CLVS2: variants seen among roughly 807,000 people sequenced by gnomAD.
CLVS2 encodes the protein clavesin-2.
In CLVS2, 19 loss-of-function variants were observed where a neutral mutation model predicts 29.0. The observed-to-expected ratio is 0.66, with a 90% CI of 0.46 to 0.96. The LOEUF is 0.96. CLVS2 is among the 40% of genes least tolerant of loss of function. The pLI is 0.00. For missense variants in CLVS2, 294 were observed against 404.1 expected (o/e 0.73, Z 2.34); for synonymous variants, 161 against 151.3 (o/e 1.06, Z -0.47).
chr6:123,045,766 G>A (rs374320179), intron 3 of CLVS2, among the ~76,000 whole-genome samples: 16 of 152,186 alleles, frequency 1.1e-4, no homozygotes, highest in Non-Finnish European at 1.9e-4. Context: ...CAGACAAAGA[G>A]ACAGTTTCAG....
rs1774905890 is a variant in CLVS2 at position 123,020,596 on chromosome 6, A to G, written c.564+9437A>G. On this transcript the variant is annotated intron_variant, in intron 3 of 5. Coordinates refer to ENST00000275162, the MANE Select transcript of CLVS2 (RefSeq NM_001010852.4). Reference sequence around the variant, plus strand: ...TTGTATGTGTGGACTTAGAGAATAGAATCACTGTTAAGCTTCAGCATGTCA... The same window carrying G: ...TTGTATGTGTGGACTTAGAGAATAGGATCACTGTTAAGCTTCAGCATGTCA... 2.0e-5 allele frequency among the ~76,000 whole-genome samples: 3 copies of G among 152,068 alleles called. No homozygotes were observed. The South Asian group carries it at 6.2e-4, about 31-fold the overall frequency.
chr6:122,996,877 C>T (rs943836669), intron 1 of CLVS2, 131 bp downstream of exon 1: 2 of 152,792 alleles, frequency 1.3e-5, no homozygotes, highest in Non-Finnish European at 2.9e-5. Context: ...AGAGATATCC[C>T]CGGTCCCCTC....
Position 123,068,053 on chromosome 6 carries a change from T to A in CLVS2, c.*4292T>A, listed in dbSNP as rs1271457993. The A allele has an allele frequency of 6.6e-6, 1 of 151,620 alleles. No homozygotes were observed. The highest frequency in any genetic ancestry group is 1.5e-5 in the Non-Finnish European group (1 of 67,668). 9.4% of individuals were successfully genotyped at this position (151,620 alleles called of 1,614,324 possible). On this transcript the variant is annotated 3_prime_UTR_variant, in exon 6 of 6. Transcript: ENST00000275162. Reference sequence around the variant, plus strand: ...ATTAAAGATTTTATTTTATAAATATTTGGAGGTTAACATAGGACATGAAAA... The same window carrying A: ...ATTAAAGATTTTATTTTATAAATATATGGAGGTTAACATAGGACATGAAAA...
At chr6:123,044,274 T>TTACTTTG (rs1263396506) in intron 3 of CLVS2, among the ~76,000 whole-genome samples, 2 of 152,238 alleles carry the variant, frequency 1.3e-5, no homozygotes, top group Non-Finnish European at 2.9e-5. Flanking sequence ...ATTTTTATTA[T>TTACTTTG]TACTTTGTAC....
intron 4 of CLVS2, among the ~76,000 whole-genome samples, chr6:123,054,684 T>A (rs1772667755): frequency 6.6e-6 from 1 of 152,168 alleles, no homozygotes; most frequent in Non-Finnish European, 1.5e-5. Context: ...TTGAAATAAA[T>A]ATTATATAAA....
intron 2 of CLVS2, among the ~76,000 whole-genome samples, chr6:122,999,490 A>C (rs546251304): frequency 2.0e-4 from 31 of 152,296 alleles, no homozygotes; most frequent in African/African-American, 7.0e-4. Flanking sequence ...GAGTTTTGTT[A>C]CTTACTTTGG....
chr6:123,006,242 A>G (rs1295208864), intron 2 of CLVS2, among the ~76,000 whole-genome samples: 1 of 152,210 alleles, frequency 6.6e-6, no homozygotes, highest in East Asian at 1.9e-4. Context: ...AACATAAAGC[A>G]TCGGAGTGTA....
At chr6:123,041,024 A>G (rs996309808) in intron 3 of CLVS2, among the ~76,000 whole-genome samples, 7 of 151,984 alleles carry the variant, frequency 4.6e-5, no homozygotes, top group African/African-American at 1.7e-4. Context: ...AACAAGTGGA[A>G]CTCATGCCAT....
rs1327541991 is a variant in CLVS2 at position 122,997,682 on chromosome 6, G to A, written c.-96G>A. Reference sequence around the variant, plus strand: ...AGGGGAGAGGAAGCAGGCAGCAGGAGGTCTGGGGGCTGGAGTCTGGTGGTG... The same window carrying A: ...AGGGGAGAGGAAGCAGGCAGCAGGAAGTCTGGGGGCTGGAGTCTGGTGGTG... On this transcript the variant is annotated 5_prime_UTR_variant, in exon 2 of 6. Transcript: ENST00000275162. 5 of 1,212,140 alleles carry A rather than the reference G, an allele frequency of 4.1e-6. No individual in the cohort carries two copies. In the Admixed American group the frequency reaches 8.0e-5, roughly 20 times the overall value. The allele number at this position is 1,212,140 out of a possible 1,614,324, so 75.1% of individuals were successfully genotyped here. A position where few individuals can be genotyped will look rare whatever the true frequency, so the allele number is the denominator to read the frequency against.
intron 5 of CLVS2, among the ~76,000 whole-genome samples, chr6:123,060,013 G>A (rs942580965): frequency 6.6e-6 from 1 of 152,190 alleles, no homozygotes; most frequent in African/African-American, 2.4e-5. Flanking sequence ...ATTAAGAAAG[G>A]TGTTGCACTT....
chr6:123,060,700 G>A (rs1027349044), intron 5 of CLVS2, among the ~76,000 whole-genome samples: 3 of 152,094 alleles, frequency 2.0e-5, no homozygotes, highest in Admixed American at 6.6e-5. Context: ...AATTTGTGCC[G>A]GGGTTTATGG....
At chr6:123,037,962 A>G (rs1181257069) in intron 3 of CLVS2, among the ~76,000 whole-genome samples, 1 of 152,178 alleles carries the variant, frequency 6.6e-6, no homozygotes, top group Admixed American at 6.6e-5. Flanking sequence ...GATATGCACA[A>G]ACCTTTCTGT....
chr6:123,053,278 A>G (rs1772642438), intron 4 of CLVS2, among the ~76,000 whole-genome samples: 1 of 152,158 alleles, frequency 6.6e-6, no homozygotes, highest in African/African-American at 2.4e-5. Flanking sequence ...CAGGAGGCGG[A>G]GGTTGCAGTG....
Position 123,069,136 on chromosome 6 carries a change from C to G in CLVS2, c.*5375C>G, listed in dbSNP as rs1287064093. On this transcript the variant is annotated 3_prime_UTR_variant, in exon 6 of 6. Transcript: ENST00000275162. ...TGACGTATTCAATATTCTATAACTT[C>G]TAGTCAAACTTTCAAATGAAAGTTT... 2 of 151,520 alleles carry G rather than the reference C, an allele frequency of 1.3e-5. No individual in the cohort carries two copies. Among genetic ancestry groups the G allele is most frequent in the African/African-American group, 2.4e-5 (1 of 41,344 alleles). 9.4% of individuals were successfully genotyped at this position (151,520 alleles called of 1,614,324 possible).
At position 122,997,259 on chromosome 6, in the gene CLVS2, C is replaced by T. The variant is rs1774522371; in HGVS notation, c.-519C>T. 5.9e-6 allele frequency: 1 copy of T among 169,178 alleles called. No individual in the cohort carries two copies. Among genetic ancestry groups the T allele is most frequent in the South Asian group, 2.0e-4 (1 of 4,932 alleles). The allele number at this position is 169,178 out of a possible 1,614,324, so 10.5% of individuals were successfully genotyped here. A position where few individuals can be genotyped will look rare whatever the true frequency, so the allele number is the denominator to read the frequency against. On this transcript the variant is annotated 5_prime_UTR_variant, in exon 2 of 6. Transcript: ENST00000275162. ...CCTGGAGCTCAGCGCTGAAGAGCTACCTTATTATTAATCAGAATTTCCATC... is the reference window on the plus strand; with the variant it reads ...CCTGGAGCTCAGCGCTGAAGAGCTATCTTATTATTAATCAGAATTTCCATC...
At chr6:123,040,768 A>AC (rs1775217464) in intron 3 of CLVS2, among the ~76,000 whole-genome samples, 1 of 150,448 alleles carries the variant, frequency 6.6e-6, no homozygotes, top group Non-Finnish European at 1.5e-5. Context: ...ACTCCGTCTC[A>AC]AAAAAGAAAA....
At chr6:123,028,391 G>A (rs1393312252) in intron 3 of CLVS2, among the ~76,000 whole-genome samples, 2 of 152,186 alleles carry the variant, frequency 1.3e-5, no homozygotes, top group Non-Finnish European at 2.9e-5. Context: ...CAGGCACGGT[G>A]GCTCATGCCT....
At chr6:123,010,930 G>A in intron 2 of CLVS2, 55 bp from the exon 3 acceptor site, 2 of 1,181,892 alleles carry the variant, frequency 1.7e-6, no homozygotes, top group Non-Finnish European at 2.3e-6. Flanking sequence ...ATATTTTATA[G>A]CTTTTTGGAA....
At chr6:123,011,310 G>T in intron 3 of CLVS2, 151 bp downstream of exon 3, 1 of 547,196 alleles carries the variant, frequency 1.8e-6, no homozygotes, top group East Asian at 3.1e-5. Flanking sequence ...ACTAACTGAA[G>T]AAAGGATTAT....
Sources: gnomAD v4.1 joint callset for allele counts (sites outside exome capture counted in the v4.1 genomes callset) on GRCh38, gnomAD v4.1.1 for gene constraint, MANE v1.5 for transcripts, NCBI Gene and HGNC (gene_info 2026-07-23, HGNC 2026-07-21) for gene names.